The following FANK1 variants were observed in gnomAD, a reference collection of about 807,000 sequenced individuals.
FANK1 encodes fibronectin type 3 and ankyrin repeat domains protein 1.
A neutral mutation model predicts 45.3 loss-of-function variants in FANK1; 44 were observed. The ratio of observed to expected loss-of-function variants is 0.97; its 90% CI spans 0.76 to 1.25. The LOEUF (loss-of-function observed/expected upper bound fraction) is 1.25. Ranked by LOEUF, FANK1 falls within the 50% of genes most tolerant of loss-of-function variation. FANK1 has a pLI of 0.00. For missense variants in FANK1, 391 were observed against 424.4 expected, an observed-to-expected ratio of 0.92 and a Z score of 0.69; for synonymous variants, 149 against 152.5, an observed-to-expected ratio of 0.98 and a Z score of 0.17.
intron 1 of FANK1, among the ~76,000 whole-genome samples, chr10:125,959,004 C>T (rs1053737598): frequency 6.6e-6 from 1 of 152,150 alleles, no homozygotes; most frequent in Admixed American, 6.5e-5. Context: ...ATAAATAAAA[C>T]ACTTGTGACA....
chr10:125,937,369 C>T (rs1449873879), intron 1 of FANK1, among the ~76,000 whole-genome samples: 3 of 152,114 alleles, frequency 2.0e-5, no homozygotes, highest in Non-Finnish European at 4.4e-5. Flanking sequence ...CTTTGTAGTA[C>T]CTGTGAAAGC....
intron 1 of FANK1, among the ~76,000 whole-genome samples, chr10:125,966,449 C>A (rs1039074002): frequency 1.2e-4 from 18 of 152,144 alleles, no homozygotes; most frequent in African/African-American, 4.1e-4. Flanking sequence ...CTCCCCCATG[C>A]ACCTGGTTTG....
chr10:125,899,016 T>C (rs1468616605), intron 1 of FANK1, among the ~76,000 whole-genome samples: 2 of 151,272 alleles, frequency 1.3e-5, no homozygotes, highest in Non-Finnish European at 2.9e-5. Context: ...CACCTGAGCC[T>C]CCTGGCTAGA....
At chr10:125,911,275 G>A (rs111707764) in intron 1 of FANK1, among the ~76,000 whole-genome samples, 3 of 151,958 alleles carry the variant, frequency 2.0e-5, no homozygotes, top group Non-Finnish European at 2.9e-5. Flanking sequence ...GAGCCAAGGT[G>A]TGTGGAAAGC....
chr10:125,941,574 T>C (rs968638232), intron 1 of FANK1, among the ~76,000 whole-genome samples: 1 of 152,236 alleles, frequency 6.6e-6, no homozygotes, highest in Non-Finnish European at 1.5e-5. Context: ...GAAACCTTCA[T>C]GTGGATACCA....
chr10:125,902,185 A>T (rs1945095116), intron 1 of FANK1, among the ~76,000 whole-genome samples: 1 of 152,216 alleles, frequency 6.6e-6, no homozygotes, highest in Non-Finnish European at 1.5e-5. Context: ...TGGGTGCAGC[A>T]CACCAGCATG....
intron 1 of FANK1, among the ~76,000 whole-genome samples, chr10:125,964,793 G>A (rs566737159): frequency 1.3e-5 from 2 of 152,294 alleles, no homozygotes; most frequent in South Asian, 2.1e-4. Context: ...ACTTAGCCTT[G>A]CCAACTTGTT....
intron 1 of FANK1, among the ~76,000 whole-genome samples, chr10:125,954,441 T>A (rs1345264548): frequency 6.6e-6 from 1 of 152,198 alleles, no homozygotes; most frequent in Non-Finnish European, 1.5e-5. Flanking sequence ...CAGTGCTCAG[T>A]TAAATATTAG....
intron 1 of FANK1, among the ~76,000 whole-genome samples, chr10:125,899,653 C>G (rs927253751): frequency 1.3e-5 from 2 of 152,166 alleles, no homozygotes; most frequent in African/African-American, 4.8e-5. Context: ...CAGATTTCAC[C>G]TGAGACGGAA....
intron 1 of FANK1, among the ~76,000 whole-genome samples, chr10:125,909,849 GTTTT>G (rs920481534): frequency 2.2e-4 from 34 of 151,640 alleles, no homozygotes; most frequent in African/African-American, 6.3e-4. Context: ...TTAGTACTTT[GTTTT>G]GTTTTCAAAT....
intron 1 of FANK1, among the ~76,000 whole-genome samples, chr10:125,935,510 G>T (rs1948038292): frequency 6.6e-6 from 1 of 152,180 alleles, no homozygotes; most frequent in African/African-American, 2.4e-5. Context: ...GGGAACTTCA[G>T]TCTCAATTGG....
intron 1 of FANK1, among the ~76,000 whole-genome samples, chr10:125,905,828 T>A (rs1313307133): frequency 4.7e-4 from 70 of 147,938 alleles, no homozygotes; most frequent in South Asian, 2.7e-3. Flanking sequence ...GAAGGTGAGG[T>A]GGGAGGATCA....
intron 1 of FANK1, among the ~76,000 whole-genome samples, chr10:125,897,141 C>T (rs75020932): frequency 3.5e-5 from 5 of 144,002 alleles, no homozygotes; most frequent in African/African-American, 1.2e-4. Context: ...CACCCCTAGT[C>T]TGCGACTTGA....
chr10:125,960,413 A>G (rs934176767), intron 1 of FANK1: 2 of 189,982 alleles, frequency 1.1e-5, no homozygotes, highest in African/African-American at 4.8e-5. Context: ...ACATGGTAGC[A>G]GCAGTGTGCT....
At chr10:125,968,501 T>C (rs1216381528) in intron 1 of FANK1, among the ~76,000 whole-genome samples, 1 of 152,148 alleles carries the variant, frequency 6.6e-6, no homozygotes, top group Non-Finnish European at 1.5e-5. Flanking sequence ...TGCTTTAAGG[T>C]GTTCTGTTTT....
At chr10:126,003,815 A>G (rs1952964112) in intron 6 of FANK1, among the ~76,000 whole-genome samples, 2 of 152,032 alleles carry the variant, frequency 1.3e-5, no homozygotes, top group Admixed American at 6.5e-5. Flanking sequence ...AGCTGGGATT[A>G]TAGGCTCTTG....
At chr10:125,964,481 C>T (rs571317985) in intron 1 of FANK1, among the ~76,000 whole-genome samples, 1 of 152,300 alleles carries the variant, frequency 6.6e-6, no homozygotes, top group Non-Finnish European at 1.5e-5. Flanking sequence ...GTGTGAACCA[C>T]TGCACCTGAC....
At chr10:125,957,086 A>G (rs1179717036) in intron 1 of FANK1, among the ~76,000 whole-genome samples, 3 of 152,116 alleles carry the variant, frequency 2.0e-5, no homozygotes, top group Admixed American at 6.5e-5. Flanking sequence ...CGATCTCCTG[A>G]CCTTGTGATC....
intron 1 of FANK1, among the ~76,000 whole-genome samples, chr10:125,944,822 C>T (rs969674092): frequency 6.6e-6 from 1 of 152,178 alleles, no homozygotes; most frequent in African/African-American, 2.4e-5. Flanking sequence ...TCTATAGAAA[C>T]AATGCTAATG....
Sources: allele counts gnomAD v4.1 joint callset (sites outside exome capture counted in the v4.1 genomes callset), GRCh38; gene constraint gnomAD v4.1.1; transcripts MANE v1.5; gene names NCBI Gene and HGNC (gene_info 2026-07-23, HGNC 2026-07-21).